PTPRD: variants seen among roughly 807,000 people sequenced by gnomAD.
The protein encoded by PTPRD is receptor-type tyrosine-protein phosphatase delta.
A neutral mutation model predicts 214.5 loss-of-function variants in PTPRD; 34 were observed. The ratio of observed to expected loss-of-function variants is 0.16; its 90% CI spans 0.12 to 0.21. PTPRD has a LOEUF of 0.21. Ranked by LOEUF, PTPRD falls within the 10% of genes least tolerant of loss-of-function variation. The pLI, the probability that PTPRD is intolerant of heterozygous loss-of-function variation, is 1.00. For missense variants in PTPRD, 2,545 were observed against 2,398.7 expected (o/e 1.06, Z -1.27); for synonymous variants, 1,128 against 845.7 (o/e 1.33, Z -5.79).
chr9:9,211,188 T>A (rs2099948336), intron 9 of PTPRD, among the ~76,000 whole-genome samples: 2 of 152,048 alleles, frequency 1.3e-5, no homozygotes, highest in Admixed American at 1.3e-4. Flanking sequence ...TCATATTTAC[T>A]TATAAAGGTC....
rs1019159818 is a variant in PTPRD at position 9,226,317 on chromosome 9, A to G, written c.-202-42954T>C. Among the ~76,000 whole-genome samples the G allele has an allele frequency of 4.6e-5, 7 of 151,886 alleles. No individual in the cohort carries two copies. The East Asian group carries it at 5.8e-4, about 13-fold the overall frequency. ...ATCAAAGCTATTATTTGGATGAAAAATCTAATATCAGGGGATTAAAGCAAA... is the reference window on the plus strand; with the variant it reads ...ATCAAAGCTATTATTTGGATGAAAAGTCTAATATCAGGGGATTAAAGCAAA... On this transcript the variant is annotated intron_variant, in intron 9 of 45. Coordinates refer to ENST00000381196, the MANE Select transcript of PTPRD (RefSeq NM_002839.4).
chr9:9,078,906 CAG>C (rs1358719156), intron 10 of PTPRD, among the ~76,000 whole-genome samples: 2 of 151,918 alleles, frequency 1.3e-5, no homozygotes, highest in African/African-American at 2.4e-5. Flanking sequence ...GTGATCAGAT[CAG>C]GGTAATTAGC....
rs1305035311 is a variant in PTPRD, at chr9:9,513,215, AAAC to A, written c.-237+61514_-237+61516del. Reference sequence around the variant, plus strand: ...CTACATAAAACCCAACTAGGATTTCAAACAACTATAAAACAAAGTGATGACTTT... The same window carrying A: ...CTACATAAAACCCAACTAGGATTTCAAACTATAAAACAAAGTGATGACTTT... On this transcript the variant is annotated intron_variant, in intron 8 of 45. Coordinates refer to ENST00000381196, the MANE Select transcript of PTPRD (RefSeq NM_002839.4). 1.7e-4 allele frequency among the ~76,000 whole-genome samples: 26 copies of A among 152,020 alleles called. 1 individual carries two copies. Among genetic ancestry groups the A allele is most frequent in the Non-Finnish European group, 3.8e-4 (26 of 67,954 alleles).
At chr9:9,794,396 T>A (rs1384103175) in intron 5 of PTPRD, among the ~76,000 whole-genome samples, 1 of 151,944 alleles carries the variant, frequency 6.6e-6, no homozygotes, top group Non-Finnish European at 1.5e-5. Context: ...ATGAGTAATA[T>A]AGTGAAAGGT....
At chr9:8,715,982 A>G (rs1306080385) in intron 12 of PTPRD, among the ~76,000 whole-genome samples, 1 of 152,246 alleles carries the variant, frequency 6.6e-6, no homozygotes, top group African/African-American at 2.4e-5. Flanking sequence ...TTGAAATGCT[A>G]ATTCACTGGC....
chr9:8,374,468 GT>G (rs2082624604), intron 39 of PTPRD, among the ~76,000 whole-genome samples: 2 of 152,076 alleles, frequency 1.3e-5, no homozygotes, highest in African/African-American at 4.8e-5. Flanking sequence ...AATTTTTAAT[GT>G]TTTACAATCA....
intron 12 of PTPRD, among the ~76,000 whole-genome samples, chr9:8,690,371 T>G (rs886598683): frequency 6.6e-6 from 1 of 151,272 alleles, no homozygotes; most frequent in Admixed American, 6.6e-5. Flanking sequence ...ACTAAAAATA[T>G]AAAAAATTAG....
chr9:9,562,450 C>T (rs951713764), intron 8 of PTPRD, among the ~76,000 whole-genome samples: 4 of 152,158 alleles, frequency 2.6e-5, no homozygotes, highest in African/African-American at 9.7e-5. Flanking sequence ...ACCTTAGTAT[C>T]ATCCTTCTGC....
chr9:8,638,121 T>TA (rs1554972811), intron 12 of PTPRD, among the ~76,000 whole-genome samples: 189 of 147,830 alleles, frequency 1.3e-3, no homozygotes, highest in Non-Finnish European at 2.2e-3. Flanking sequence ...TTTTTTTTTT[T>TA]AATTTCTAAT....
intron 3 of PTPRD, 111 bp from the exon 4 acceptor site, chr9:10,033,901 T>C (rs2097129262): frequency 6.6e-6 from 1 of 152,100 alleles, no homozygotes; most frequent in African/African-American, 2.4e-5. Context: ...AACTGCCTTG[T>C]AGATAAATGA....
chr9:9,271,250 G>A (rs1942790476), intron 9 of PTPRD, among the ~76,000 whole-genome samples: 1 of 150,820 alleles, frequency 6.6e-6, no homozygotes, highest in African/African-American at 2.4e-5. Context: ...AAAGCATTGA[G>A]AGTATTTTTT....
chr9:9,915,506 G>T (rs567543026), intron 5 of PTPRD, among the ~76,000 whole-genome samples: 2 of 151,464 alleles, frequency 1.3e-5, no homozygotes, highest in African/African-American at 4.8e-5. Context: ...CTCATGATTT[G>T]AATGAGAAAT....
intron 4 of PTPRD, among the ~76,000 whole-genome samples, chr9:10,010,751 C>T (rs182903909): frequency 2.0e-5 from 3 of 152,010 alleles, no homozygotes; most frequent in East Asian, 3.9e-4. Flanking sequence ...TTATTTAGAT[C>T]ATTATGGTAA....
chr9:10,203,834 T>C (rs918660051), intron 3 of PTPRD, among the ~76,000 whole-genome samples: 1 of 152,132 alleles, frequency 6.6e-6, no homozygotes, highest in African/African-American at 2.4e-5. Flanking sequence ...AATGAGTTCA[T>C]CTTAAGTTAT....
At chr9:10,107,335 A>T (rs539894860) in intron 3 of PTPRD, among the ~76,000 whole-genome samples, 2 of 152,192 alleles carry the variant, frequency 1.3e-5, no homozygotes, top group South Asian at 2.1e-4. Flanking sequence ...GCCAACAAAA[A>T]TATGAAATAA....
At chr9:10,086,011 G>C (rs965765834) in intron 3 of PTPRD, among the ~76,000 whole-genome samples, 1 of 151,722 alleles carries the variant, frequency 6.6e-6, no homozygotes, top group Non-Finnish European at 1.5e-5. Context: ...GCAATTTAAT[G>C]ACTATATGAC....
chr9:9,509,021 T>G (rs2096636138), intron 8 of PTPRD, among the ~76,000 whole-genome samples: 1 of 151,356 alleles, frequency 6.6e-6, no homozygotes, highest in African/African-American at 2.4e-5. Flanking sequence ...TAAATATGGT[T>G]GTAAAACCTT....
chr9:9,875,008 G>T (rs148555845), intron 5 of PTPRD, among the ~76,000 whole-genome samples: 1 of 152,202 alleles, frequency 6.6e-6, no homozygotes, highest in Admixed American at 6.5e-5. Context: ...CTTGTTTCCT[G>T]CTACAAAGGA....
chr9:9,087,906 A>ATTC (rs2099769664), intron 10 of PTPRD, among the ~76,000 whole-genome samples: 1 of 7,630 alleles, frequency 1.3e-4, no homozygotes, highest in African/African-American at 3.5e-4. Context: ...TTTTTTTTTG[A>ATTC]GACAGAGTCT....
Sources: allele counts gnomAD v4.1 joint callset (sites outside exome capture counted in the v4.1 genomes callset), GRCh38; gene constraint gnomAD v4.1.1; transcripts MANE v1.5; gene names NCBI Gene and HGNC (gene_info 2026-07-23, HGNC 2026-07-21).